CADM2: variants seen among roughly 807,000 people sequenced by gnomAD.
CADM2 encodes immunoglobulin superfamily member 4D.
In CADM2, 12 loss-of-function variants were observed where a neutral mutation model predicts 49.8. The ratio of observed to expected loss-of-function variants is 0.24; its 90% CI spans 0.15 to 0.39. The LOEUF (loss-of-function observed/expected upper bound fraction) is 0.39, where lower values mean the gene tolerates loss of function less well. Ranked by LOEUF, CADM2 falls within the 10% of genes least tolerant of loss-of-function variation. The pLI, the probability that CADM2 is intolerant of heterozygous loss-of-function variation, is 1.00. For synonymous variants in CADM2, 214 were observed against 175.4 expected (o/e 1.22, Z -1.74); for missense variants, 378 against 492.3 (o/e 0.77, Z 2.20).
chr3:86,029,447 AG>A, intron 8 of CADM2, among the ~76,000 whole-genome samples: 1 of 152,182 alleles, frequency 6.6e-6, no homozygotes, highest in South Asian at 2.1e-4. Flanking sequence ...AACAAAAAAA[AG>A]GAATGGTTTT....
intron 1 of CADM2, among the ~76,000 whole-genome samples, chr3:85,697,447 C>T (rs1271744805): frequency 3.9e-5 from 6 of 151,932 alleles, no homozygotes; most frequent in Non-Finnish European, 8.8e-5. Flanking sequence ...TTATTTTCTT[C>T]TCTTAATTGA....
At chr3:85,573,983 T>C (rs2062556714) in intron 1 of CADM2, among the ~76,000 whole-genome samples, 2 of 152,192 alleles carry the variant, frequency 1.3e-5, no homozygotes, top group African/African-American at 4.8e-5. Flanking sequence ...CTGTCCACGA[T>C]ACTGACTGGT....
intron 1 of CADM2, among the ~76,000 whole-genome samples, chr3:85,110,832 C>T (rs1394523335): frequency 6.6e-6 from 1 of 151,748 alleles, no homozygotes; most frequent in Non-Finnish European, 1.5e-5. Context: ...GGAAGGATCT[C>T]AGCGTTTCTT....
chr3:84,978,079 A>G (rs1272502404), intron 1 of CADM2, among the ~76,000 whole-genome samples: 1 of 152,154 alleles, frequency 6.6e-6, no homozygotes, highest in Non-Finnish European at 1.5e-5. Flanking sequence ...GAAATGATAA[A>G]GGTGTATTTG....
intron 3 of CADM2, among the ~76,000 whole-genome samples, chr3:85,819,166 G>A (rs144844362): frequency 1.3e-5 from 2 of 152,278 alleles, no homozygotes; most frequent in South Asian, 2.1e-4. Flanking sequence ...GAAGCATTCC[G>A]CATGGGAAGA....
chr3:85,418,809 C>T (rs1426268843), intron 1 of CADM2, among the ~76,000 whole-genome samples: 6 of 152,094 alleles, frequency 3.9e-5, no homozygotes, highest in African/African-American at 1.2e-4. Flanking sequence ...GAAGTGGTCA[C>T]ACAAAGCAGT....
At chr3:85,380,569 A>C (rs2033847922) in intron 1 of CADM2, among the ~76,000 whole-genome samples, 1 of 151,942 alleles carries the variant, frequency 6.6e-6, no homozygotes, top group Non-Finnish European at 1.5e-5. Context: ...AAATAATGCC[A>C]ATGTTTGTAT....
At chr3:85,709,531 C>T (rs1264602294) in intron 1 of CADM2, among the ~76,000 whole-genome samples, 1 of 152,050 alleles carries the variant, frequency 6.6e-6, no homozygotes, top group Non-Finnish European at 1.5e-5. Flanking sequence ...AAAAATGGTT[C>T]TTATTTATGA....
intron 1 of CADM2, among the ~76,000 whole-genome samples, chr3:84,989,402 AT>A (rs2032761505): frequency 6.6e-6 from 1 of 152,156 alleles, no homozygotes; most frequent in African/African-American, 2.4e-5. Flanking sequence ...GTCTTTAACA[AT>A]AGCAATCAAA....
chr3:85,254,964 G>A (rs1261029281), intron 1 of CADM2, among the ~76,000 whole-genome samples: 1 of 152,056 alleles, frequency 6.6e-6, no homozygotes, highest in Non-Finnish European at 1.5e-5. Flanking sequence ...AGGACATTAA[G>A]CAAGTTTGCA....
intron 3 of CADM2, among the ~76,000 whole-genome samples, chr3:85,810,532 G>GT (rs71112120): frequency 0.12 from 10,523 of 87,172 alleles, 343 homozygotes; most frequent in Non-Finnish European, 0.17. Flanking sequence ...ATAGAATTCT[G>GT]TTTTTTTTTT....
intron 1 of CADM2, among the ~76,000 whole-genome samples, chr3:85,525,847 A>G (rs2061148441): frequency 6.6e-6 from 1 of 152,064 alleles, no homozygotes; most frequent in Non-Finnish European, 1.5e-5. Flanking sequence ...TATAGTTTAC[A>G]TCTTTGATTT....
intron 1 of CADM2, among the ~76,000 whole-genome samples, chr3:85,334,301 C>T (rs2045017514): frequency 6.6e-6 from 1 of 151,560 alleles, no homozygotes; most frequent in African/African-American, 2.4e-5. Context: ...AGCAGCCTCA[C>T]ATCATTAGTG....
intron 1 of CADM2, among the ~76,000 whole-genome samples, chr3:85,342,884 C>T (rs2030059955): frequency 6.6e-6 from 1 of 152,160 alleles, no homozygotes; most frequent in Non-Finnish European, 1.5e-5. Context: ...AAGAAAAAAT[C>T]CATTCCTTAT....
rs1041491678 is a variant in CADM2, at chr3:86,013,544, G to T, written c.970+51897G>T. ...CGTTGTTTTCTTCAAAAACACAGCA[G>T]AGGCAGATGGTAGAGATCTGTGAGA... On this transcript the variant is annotated intron_variant, in intron 8 of 9. Coordinates refer to ENST00000383699, the MANE Select transcript of CADM2 (RefSeq NM_001167675.2). The T allele has an allele frequency of 5.0e-5, 80 of 1,605,008 alleles. No individual in the cohort carries two copies. The Middle Eastern group carries it at 6.8e-4, about 14-fold the overall frequency.
intron 2 of CADM2, among the ~76,000 whole-genome samples, chr3:85,739,674 C>T (rs2068296975): frequency 6.6e-6 from 1 of 152,026 alleles, no homozygotes; most frequent in South Asian, 2.1e-4. Flanking sequence ...ATAATAAAAA[C>T]TATTTTAATT....
chr3:85,895,424 C>G (rs1429675436), intron 5 of CADM2, among the ~76,000 whole-genome samples: 1 of 152,176 alleles, frequency 6.6e-6, no homozygotes, highest in Admixed American at 6.5e-5. Flanking sequence ...AACTATACCC[C>G]CATTGTATCT....
At position 85,827,631 on chromosome 3, in the gene CADM2, C is replaced by T. The variant is rs955626343; in HGVS notation, c.238+25435C>T. ...TATTGTGTAGGAATCAGACCAGAGGCTACTAGAGAGACAACTGATTAGAAA... is the reference window on the plus strand; with the variant it reads ...TATTGTGTAGGAATCAGACCAGAGGTTACTAGAGAGACAACTGATTAGAAA... On this transcript the variant is annotated intron_variant, in intron 3 of 9. Coordinates refer to ENST00000383699, the MANE Select transcript of CADM2 (RefSeq NM_001167675.2). 1.8e-4 allele frequency among the ~76,000 whole-genome samples: 27 copies of T among 151,978 alleles called. No homozygotes were observed. The South Asian group carries it at 1.9e-3, about 11-fold the overall frequency.
At chr3:85,267,157 A>G (rs926328732) in intron 1 of CADM2, among the ~76,000 whole-genome samples, 1 of 151,502 alleles carries the variant, frequency 6.6e-6, no homozygotes, top group Non-Finnish European at 1.5e-5. Context: ...TGAAGCAAAA[A>G]CTCATTTCTC....
Sources: allele counts gnomAD v4.1 joint callset (sites outside exome capture counted in the v4.1 genomes callset), GRCh38; gene constraint gnomAD v4.1.1; transcripts MANE v1.5; gene names NCBI Gene and HGNC (gene_info 2026-07-23, HGNC 2026-07-21).